MEGF6: variants seen among roughly 807,000 people sequenced by gnomAD.
The protein encoded by MEGF6 is multiple EGF like domains 6.
In MEGF6, 184 loss-of-function variants were observed where a neutral mutation model predicts 207.1. That is an observed-to-expected ratio of 0.89 (90% CI 0.79 to 1.00). The LOEUF is 1.00. Among genes scored for constraint, MEGF6 ranks in the 50% least tolerant of loss-of-function variants. The pLI is 0.00. For synonymous variants in MEGF6, 1,038 were observed against 910.0 expected, an observed-to-expected ratio of 1.14 and a Z score of -2.53; for missense variants, 2,282 against 2,202.9, an observed-to-expected ratio of 1.04 and a Z score of -0.72.
At chr1:3,499,478 G>T in intron 23 of MEGF6, 110 bp downstream of exon 23, 1 of 1,479,596 alleles carries the variant, frequency 6.8e-7, no homozygotes, top group Non-Finnish European at 9.0e-7. Flanking sequence ...CTCTCAGGGG[G>T]GTTGCCTGGT....
intron 17 of MEGF6, among the ~76,000 whole-genome samples, 169 bp from the exon 18 acceptor site, chr1:3,502,090 C>CG (rs752447843): frequency 0.044 from 85 of 1,920 alleles, no homozygotes; most frequent in African/African-American, 0.1. Context: ...TGTGCCCCCC[C>CG]GCGCCTCCTC....
At chr1:3,519,764 C>T (rs1428609958) in intron 5 of MEGF6, among the ~76,000 whole-genome samples, 3 of 152,228 alleles carry the variant, frequency 2.0e-5, no homozygotes, top group African/African-American at 7.2e-5. Context: ...CCTCCCGGGC[C>T]GGGCCTCCCC....
At chr1:3,511,711 G>C in intron 8 of MEGF6, 24 bp from the exon 9 acceptor site, 1 of 1,591,100 alleles carries the variant, frequency 6.3e-7, no homozygotes. Context: ...AGCCACCCAG[G>C]GTATGGGATG....
intron 4 of MEGF6, 89 bp from the exon 5 acceptor site, chr1:3,524,335 C>T (rs1570049325): frequency 6.5e-7 from 1 of 1,535,200 alleles, no homozygotes; most frequent in East Asian, 2.3e-5. Flanking sequence ...GGGCCCAGAC[C>T]CAGGTCCCTC....
At chr1:3,530,004 C>T (rs1339789151) in intron 4 of MEGF6, among the ~76,000 whole-genome samples, 1 of 152,246 alleles carries the variant, frequency 6.6e-6, no homozygotes, top group Non-Finnish European at 1.5e-5. Context: ...CTCCTCTCTC[C>T]CCCAAAAGCT....
intron 17 of MEGF6, among the ~76,000 whole-genome samples, chr1:3,502,324 G>A (rs958871501): frequency 6.6e-6 from 1 of 152,104 alleles, no homozygotes; most frequent in Non-Finnish European, 1.5e-5. Context: ...CCGAGGTAGG[G>A]CCTGCTCTTC....
chr1:3,508,736 T>G (rs547708942), intron 12 of MEGF6, 47 bp from the exon 13 acceptor site: 7 of 1,600,600 alleles, frequency 4.4e-6, no homozygotes, highest in Middle Eastern at 1.7e-4. Context: ...ACCCCTGGCC[T>G]CAGCAGGCAC....
chr1:3,537,011 T>C (rs1336884152), intron 4 of MEGF6, among the ~76,000 whole-genome samples: 2 of 152,254 alleles, frequency 1.3e-5, no homozygotes, highest in Admixed American at 6.5e-5. Flanking sequence ...GAGAGGGAGA[T>C]GATGCCGGGC....
intron 4 of MEGF6, among the ~76,000 whole-genome samples, chr1:3,549,100 G>A (rs539151957): frequency 4.6e-5 from 7 of 152,132 alleles, no homozygotes; most frequent in East Asian, 1.9e-4. Flanking sequence ...TAACATCCCC[G>A]TGGCTCCGCG....
chr1:3,521,225 T>G (rs560754617), intron 5 of MEGF6, among the ~76,000 whole-genome samples: 122 of 152,088 alleles, frequency 8.0e-4, no homozygotes, highest in Non-Finnish European at 1.4e-3. Flanking sequence ...GAGAGGCCAC[T>G]CCTGAGGACC....
intron 29 of MEGF6, 84 bp downstream of exon 29, chr1:3,496,571 G>A (rs1357042975): frequency 3.0e-5 from 46 of 1,530,338 alleles, no homozygotes; most frequent in Admixed American, 5.9e-5. Flanking sequence ...GTGGGCAGTC[G>A]GGGGCCATCC....
At chr1:3,525,327 G>A (rs998658893) in intron 4 of MEGF6, among the ~76,000 whole-genome samples, 4 of 152,258 alleles carry the variant, frequency 2.6e-5, no homozygotes, top group Non-Finnish European at 5.9e-5. Flanking sequence ...CCCACTCAAA[G>A]GCGGTAGAGG....
rs1644021912 is a variant in MEGF6 at position 3,594,080 on chromosome 1, G to C, written c.376+1258C>G. On this transcript the variant is annotated intron_variant, in intron 3 of 36. Coordinates refer to ENST00000356575, the MANE Select transcript of MEGF6 (RefSeq NM_001409.4). This position sits in a 1 kb window ranked among gnomAD's most constrained non-coding sequence, Gnocchi z 4.2. ...CCCGCCATAAGGACCCCTAGAGCTGGGTTCTGTTCCTGTCACCGGAGCCCA... is the reference window on the plus strand; with the variant it reads ...CCCGCCATAAGGACCCCTAGAGCTGCGTTCTGTTCCTGTCACCGGAGCCCA... Among the ~76,000 whole-genome samples, 2 of 152,186 alleles carry C rather than the reference G, an allele frequency of 1.3e-5. No individual in the cohort carries two copies. Among genetic ancestry groups the C allele is most frequent in the South Asian group, 4.1e-4 (2 of 4,836 alleles).
chr1:3,602,268 C>T (rs1055743001), intron 2 of MEGF6, among the ~76,000 whole-genome samples, 198 bp downstream of exon 2: 6 of 152,210 alleles, frequency 3.9e-5, no homozygotes, highest in African/African-American at 1.4e-4. Context: ...GAGAGGGCTA[C>T]AGCATGTGAG....
rs374230964 is a variant in MEGF6 at position 3,501,229 on chromosome 1, C to G, written c.2394G>C (p.Glu798Asp). ...CAGGGAGGCACAGGCAGGCTCCGGTCTCAGGGTCGCAGCGGGCAGCGTGCT... is the reference window on the plus strand; with the variant it reads ...CAGGGAGGCACAGGCAGGCTCCGGTGTCAGGGTCGCAGCGGGCAGCGTGCT... Reference protein sequence around the residue: ...ACQHAARCDPETGACLCLPGF... With the variant: ...ACQHAARCDPDTGACLCLPGF... Residue 798 changes from glutamate (E) to aspartate (D), a missense_variant, in exon 19 of 37, where the codon GAG (glutamate) becomes GAC (aspartate). Coordinates refer to ENST00000356575, the MANE Select transcript of MEGF6 (RefSeq NM_001409.4). 5.0e-6 allele frequency: 8 copies of G among 1,611,952 alleles called. No individual in the cohort carries two copies. The highest frequency in any genetic ancestry group is 6.8e-6 in the Non-Finnish European group (8 of 1,179,636).
chr1:3,518,404 T>G (rs1467911541), intron 5 of MEGF6, among the ~76,000 whole-genome samples: 1 of 152,118 alleles, frequency 6.6e-6, no homozygotes, highest in East Asian at 1.9e-4. Flanking sequence ...CACCCAGGAT[T>G]CTGCCAAATG....
chr1:3,515,351 C>T (rs1435185924), intron 6 of MEGF6, 51 bp downstream of exon 6: 2 of 1,568,570 alleles, frequency 1.3e-6, no homozygotes, highest in Non-Finnish European at 8.6e-7. Context: ...GGCGAGGCAG[C>T]TTGTCCTGCC....
intron 1 of MEGF6, among the ~76,000 whole-genome samples, chr1:3,603,255 C>G (rs1270603422): frequency 6.6e-6 from 1 of 152,154 alleles, no homozygotes; most frequent in East Asian, 1.9e-4. Flanking sequence ...AGCCAGCCAT[C>G]CAGACCCCAC....
intron 4 of MEGF6, among the ~76,000 whole-genome samples, chr1:3,551,085 T>G (rs946048448): frequency 6.6e-6 from 1 of 152,054 alleles, no homozygotes; most frequent in African/African-American, 2.4e-5. Context: ...GCCAGGCAGC[T>G]CCCCGCTAGC....
Sources: gnomAD v4.1 joint callset for allele counts (sites outside exome capture counted in the v4.1 genomes callset) on GRCh38, gnomAD v4.1.1 for gene constraint, Gnocchi (gnomAD v3.1) non-coding constraint, MANE v1.5 for transcripts, NCBI Gene and HGNC (gene_info 2026-07-23, HGNC 2026-07-21) for gene names.